MINDY4B: variants seen among roughly 807,000 people sequenced by gnomAD.
The protein encoded by MINDY4B is MINDY family member 4B, also known as inactive ubiquitin carboxyl-terminal hydrolase MINDY-4B.
A neutral mutation model predicts 16.7 loss-of-function variants in MINDY4B; 25 were observed. The observed-to-expected ratio is 1.49, with a 90% CI of 1.09 to 2.09. The LOEUF is 2.09. Ranked by LOEUF, MINDY4B falls within the 30% of genes most tolerant of loss-of-function variation. MINDY4B has a pLI of 0.00. For missense variants in MINDY4B, 327 were observed against 168.4 expected, an observed-to-expected ratio of 1.94 and a Z score of -5.21; for synonymous variants, 132 against 61.9, an observed-to-expected ratio of 2.13 and a Z score of -5.32.
chr3:150,871,885 A>G (rs1419776556), intron 11 of MINDY4B, among the ~76,000 whole-genome samples: 1 of 152,216 alleles, frequency 6.6e-6, no homozygotes, highest in Non-Finnish European at 1.5e-5. Flanking sequence ...CATGCTTCTC[A>G]GAATACATTT....
At chr3:150,902,670 G>A (rs1213475586) in intron 3 of MINDY4B, among the ~76,000 whole-genome samples, 1 of 152,170 alleles carries the variant, frequency 6.6e-6, no homozygotes, top group Non-Finnish European at 1.5e-5. Context: ...CCCCACCCTG[G>A]TGAAGTCTTG....
intron 10 of MINDY4B, among the ~76,000 whole-genome samples, 176 bp from the exon 11 acceptor site, chr3:150,873,543 C>T (rs910468044): frequency 1.3e-5 from 2 of 152,292 alleles, no homozygotes; most frequent in Non-Finnish European, 1.5e-5. Flanking sequence ...AATAAATTTG[C>T]ATTTATGAAT....
At position 150,873,111 on chromosome 3, in the gene MINDY4B, A is replaced by C. The variant is rs556574345; in HGVS notation, c.1240+76T>G. 930 of 627,258 alleles carry C rather than the reference A, an allele frequency of 1.5e-3. 6 individuals carry two copies. The highest frequency in any genetic ancestry group is 2.0e-3 in the Middle Eastern group (8 of 3,986). The allele number at this position is 627,258 out of a possible 1,614,324, so 38.9% of individuals were successfully genotyped here. On this transcript the variant is annotated intron_variant, in intron 11 of 11. Coordinates refer to ENST00000465419, the MANE Select transcript of MINDY4B (RefSeq NM_001351281.2). ...CTGTGGAGCTAGCATGAATATCCAC[A>C]CAGTTGTTAAACATTGGCAACCGCA...
At chr3:150,895,627 G>A (rs1289289686) in intron 3 of MINDY4B, among the ~76,000 whole-genome samples, 1 of 152,124 alleles carries the variant, frequency 6.6e-6, no homozygotes, top group Non-Finnish European at 1.5e-5. Context: ...ACAACACCTG[G>A]CTCATTTTTG....
intron 3 of MINDY4B, among the ~76,000 whole-genome samples, chr3:150,896,105 T>A (rs570107003): frequency 6.6e-6 from 1 of 152,316 alleles, no homozygotes; most frequent in South Asian, 2.1e-4. Flanking sequence ...ATTGGGTTAA[T>A]TTGAAGACCT....
At chr3:150,904,168 C>T (rs1712185279) in intron 2 of MINDY4B, among the ~76,000 whole-genome samples, 1 of 152,174 alleles carries the variant, frequency 6.6e-6, no homozygotes, top group African/African-American at 2.4e-5. Context: ...TTTTGTAAAT[C>T]AAATGGAAAA....
Position 150,905,334 on chromosome 3 carries a change from A to G in MINDY4B, c.106T>C (p.Tyr36His). The stretch of plus-strand genomic sequence containing the variant: ...AGAATGAGAACACCTTACCTGTGAT[A>G]ACTAAAGATTTCCCTCCATTTGTCA... ...FLDKWREIFS[Y>H]HRLGTNNSTP... is the part of the protein sequence containing the mutation. The change falls in exon 1 of 12, where the codon TAT (tyrosine) becomes CAT (histidine). Residue 36 changes from tyrosine (Y) to histidine (H), a missense_variant. By Grantham distance (83) the Tyr-to-His change is moderately conservative (BLOSUM62 2). Coordinates refer to ENST00000465419, the MANE Select transcript of MINDY4B (RefSeq NM_001351281.2). The G allele has an allele frequency of 2.5e-6, 1 of 398,570 alleles. No individual in the cohort carries two copies. The highest frequency in any genetic ancestry group is 3.6e-5 in the East Asian group (1 of 28,078). 24.7% of individuals were successfully genotyped at this position (398,570 alleles called of 1,614,324 possible).
chr3:150,891,229 A>T, intron 5 of MINDY4B, 126 bp from the exon 6 acceptor site: 1 of 612,542 alleles, frequency 1.6e-6, no homozygotes, highest in Non-Finnish European at 3.0e-6. Flanking sequence ...CACCCAGCTC[A>T]CCTGGCTCCA....
chr3:150,885,461 G>GGAAAAGAAAAGC lies in MINDY4B; in HGVS notation c.754-24_754-23insGCTTTTCTTTTC, dbSNP rs57919280. 3 of 699,370 alleles carry GGAAAAGAAAAGC rather than the reference G, an allele frequency of 4.3e-6. No homozygotes were observed. The African/African-American group carries it at 5.3e-5, about 12-fold the overall frequency. The allele number at this position is 699,370 out of a possible 1,614,324, so 43.3% of individuals were successfully genotyped here. A position where few individuals can be genotyped will look rare whatever the true frequency, so the allele number is the denominator to read the frequency against. On this transcript the variant is annotated intron_variant, in intron 7 of 11. Coordinates refer to ENST00000465419, the MANE Select transcript of MINDY4B (RefSeq NM_001351281.2). ...GAACTGTTCGGAAAAGAAAAGAAAA[G>GGAAAAGAAAAGC]CATGTTGGTCTAAAAGCAACACAGA...
At chr3:150,877,132 C>T (rs565132877) in intron 10 of MINDY4B, among the ~76,000 whole-genome samples, 12 of 152,172 alleles carry the variant, frequency 7.9e-5, no homozygotes, top group East Asian at 1.9e-4. Flanking sequence ...AATTTTATCG[C>T]AGAGTAATAA....
At chr3:150,882,560 GTGTGTATATATATATA>G (rs1711538367) in intron 10 of MINDY4B, among the ~76,000 whole-genome samples, 1 of 121,756 alleles carries the variant, frequency 8.2e-6, no homozygotes, top group Non-Finnish European at 1.6e-5. Flanking sequence ...GTATGTGTAT[GTGTGTATATATATATA>G]TATATATATA....
At position 150,870,541 on chromosome 3, in the gene MINDY4B, C is replaced by G. The variant is rs962533083; in HGVS notation, c.*504G>C. Among the ~76,000 whole-genome samples, 1 of 152,164 alleles carries G rather than the reference C, an allele frequency of 6.6e-6. No individual in the cohort carries two copies. The highest frequency in any genetic ancestry group is 2.4e-5 in the African/African-American group (1 of 41,430). On this transcript the variant is annotated 3_prime_UTR_variant, in exon 12 of 12. Transcript: ENST00000465419. ...AGAAGCCCATTTACTATTTTAATGA[C>G]AAGAACTTGCTAATGTGGGCATATG...
At chr3:150,900,701 T>C (rs556124523) in intron 3 of MINDY4B, among the ~76,000 whole-genome samples, 1 of 152,350 alleles carries the variant, frequency 6.6e-6, no homozygotes, top group South Asian at 2.1e-4. Flanking sequence ...ATCAACTTCA[T>C]TTCTAAATCT....
intron 10 of MINDY4B, among the ~76,000 whole-genome samples, chr3:150,881,632 A>AAAG (rs1711523273): frequency 6.6e-6 from 1 of 151,210 alleles, no homozygotes; most frequent in Admixed American, 6.6e-5. Flanking sequence ...AAAAAAAAAA[A>AAAG]AGACACATTG....
intron 8 of MINDY4B, 25 bp downstream of exon 8, chr3:150,885,343 C>T (rs1480319504): frequency 4.3e-6 from 3 of 701,874 alleles, no homozygotes; most frequent in Non-Finnish European, 7.8e-6. Flanking sequence ...TAGAAAATAC[C>T]TGTGTAAACA....
At chr3:150,886,658 GTTTCC>G (rs971611707) in intron 7 of MINDY4B, among the ~76,000 whole-genome samples, 8 of 152,178 alleles carry the variant, frequency 5.3e-5, no homozygotes, top group African/African-American at 1.9e-4. Context: ...GGGTAATTCT[GTTTCC>G]TTTCCTTTTC....
chr3:150,887,377 G>T (rs1028874066), intron 7 of MINDY4B, among the ~76,000 whole-genome samples: 3 of 152,220 alleles, frequency 2.0e-5, no homozygotes, highest in African/African-American at 7.2e-5. Context: ...TAATATTTTT[G>T]GACCATAGTT....
At chr3:150,882,452 C>A (rs1450690519) in intron 10 of MINDY4B, among the ~76,000 whole-genome samples, 1 of 149,206 alleles carries the variant, frequency 6.7e-6, no homozygotes, top group Non-Finnish European at 1.5e-5. Flanking sequence ...CATTCATTTG[C>A]ATAAATGAAG....
At chr3:150,902,384 G>A in intron 3 of MINDY4B, among the ~76,000 whole-genome samples, 1 of 152,208 alleles carries the variant, frequency 6.6e-6, no homozygotes, top group East Asian at 1.9e-4. Flanking sequence ...ATAGGGTGAT[G>A]ATGGGGAAAT....
Sources: allele counts gnomAD v4.1 joint callset (sites outside exome capture counted in the v4.1 genomes callset), GRCh38; gene constraint gnomAD v4.1.1; transcripts MANE v1.5; gene names NCBI Gene and HGNC (gene_info 2026-07-23, HGNC 2026-07-21).